SLC26A4: variants seen among roughly 807,000 people sequenced by gnomAD.
SLC26A4 encodes the protein pendrin.
In SLC26A4, 93 loss-of-function variants were observed where a neutral mutation model predicts 90.4. That is an observed-to-expected ratio of 1.03 (90% CI 0.87 to 1.22). The LOEUF is 1.22. SLC26A4 is among the 50% of genes most tolerant of loss of function. The pLI is 0.00. For missense variants in SLC26A4, 1,127 were observed against 946.2 expected (o/e 1.19, Z -2.51); for synonymous variants, 393 against 354.6 (o/e 1.11, Z -1.22).
intron 6 of SLC26A4, among the ~76,000 whole-genome samples, chr7:107,678,207 C>G (rs1791077774): frequency 6.6e-6 from 1 of 152,136 alleles, no homozygotes; most frequent in South Asian, 2.1e-4. Flanking sequence ...CTCATTTATT[C>G]CTTCATTCTC....
chr7:107,695,374 T>C (rs971964919), intron 12 of SLC26A4, among the ~76,000 whole-genome samples: 2 of 152,164 alleles, frequency 1.3e-5, no homozygotes, highest in Non-Finnish European at 2.9e-5. Context: ...TTTTTAATGA[T>C]AATTCCCTTA....
chr7:107,676,383 T>C (rs1321162309), intron 6 of SLC26A4, among the ~76,000 whole-genome samples: 1 of 152,190 alleles, frequency 6.6e-6, no homozygotes, highest in Non-Finnish European at 1.5e-5. Flanking sequence ...TTTCTAACCA[T>C]AAGAGTCCGT....
In SLC26A4 at chr7:107,690,220, A is replaced by G. The variant is rs28939086; in HGVS notation, c.1246A>G (p.Thr416Ala). The change falls in exon 10 of 21, where the codon ACT (threonine) becomes GCT (alanine). Residue 416 changes from threonine (T) to alanine (A), a missense_variant. Coordinates refer to ENST00000644269, the MANE Select transcript of SLC26A4 (RefSeq NM_000441.2). Reference sequence around the variant, plus strand: ...TTCCCGCACGGCCGTCCAGGAGAGCACTGGAGGAAAGACACAGGTAGGAAC... The same window carrying G: ...TTCCCGCACGGCCGTCCAGGAGAGCGCTGGAGGAAAGACACAGGTAGGAAC... ...ALSRTAVQES[T>A]GGKTQVAGII... 1 of 1,602,934 alleles carries G rather than the reference A, an allele frequency of 6.2e-7. No homozygotes were observed. Among genetic ancestry groups the G allele is most frequent in the Non-Finnish European group, 8.5e-7 (1 of 1,169,880 alleles).
chr7:107,702,462 C>G (rs560750829), intron 17 of SLC26A4, among the ~76,000 whole-genome samples: 4 of 152,088 alleles, frequency 2.6e-5, no homozygotes, highest in South Asian at 4.2e-4. Flanking sequence ...GAGGCTGAGG[C>G]AGGTGGATCA....
At chr7:107,680,666 G>A (rs16872356) in intron 6 of SLC26A4, among the ~76,000 whole-genome samples, 7,527 of 151,816 alleles carry the variant, frequency 0.05, 320 homozygotes, top group African/African-American at 0.11. Flanking sequence ...ATGCAATTCT[G>A]TAATATAAAC....
chr7:107,673,887 C>A (rs560577526), intron 4 of SLC26A4, among the ~76,000 whole-genome samples: 2 of 152,106 alleles, frequency 1.3e-5, no homozygotes, highest in South Asian at 2.1e-4. Context: ...CACCACCACA[C>A]CCAGCTAATT....
rs1485428360 is a variant in SLC26A4, at chr7:107,679,876, T to TATTATATA, written c.766-3324_766-3323insTATATAAT. ...ATTATTATATTATATAATCTTATAT[T>TATTATATA]ATATAATCTTATCTTATATAATCTT... On this transcript the variant is annotated intron_variant, in intron 6 of 20. Transcript: ENST00000644269. Among the ~76,000 whole-genome samples, 26 of 128,854 alleles carry TATTATATA rather than the reference T, an allele frequency of 2.0e-4. 2 individuals carry two copies. The highest frequency in any genetic ancestry group is 8.0e-4 in the African/African-American group (25 of 31,400). 84.5% of individuals were successfully genotyped at this position (128,854 alleles called of 152,430 possible).
In SLC26A4 at chr7:107,674,322, C is replaced by T. The variant is rs375838548; in HGVS notation, c.574C>T (p.Leu192=). ...AGCTAGAGTCCTGATTGCCAGTGCC[C>T]TGACTCTGCTGGTTGGAATTATACA... ...DTARVLIASA[L]TLLVGIIQLI... The change falls in exon 5 of 21, where the codon CTG becomes TTG. Residue 192 remains leucine (L), a synonymous_variant. Transcript: ENST00000644269. 8.1e-6 allele frequency: 13 copies of T among 1,613,362 alleles called. No homozygotes were observed. In the African/African-American group the frequency reaches 1.7e-4, roughly 22 times the overall value.
chr7:107,693,474 T>C (rs1002829904), intron 10 of SLC26A4: 1 of 985,464 alleles, frequency 1.0e-6, no homozygotes. Context: ...GTACTTGTGC[T>C]CAACAAAATC....
At chr7:107,678,943 T>G (rs1454394597) in intron 6 of SLC26A4, among the ~76,000 whole-genome samples, 1 of 152,200 alleles carries the variant, frequency 6.6e-6, no homozygotes, top group African/African-American at 2.4e-5. Context: ...TTAACTTATC[T>G]TTGTTCTAAG....
chr7:107,708,290 T>A (rs1280349029), intron 18 of SLC26A4, among the ~76,000 whole-genome samples: 2 of 152,356 alleles, frequency 1.3e-5, no homozygotes, highest in East Asian at 3.9e-4. Flanking sequence ...TTTGGTCCTA[T>A]ACTTCCTTTT....
chr7:107,672,943 A>C (rs1490022171), intron 4 of SLC26A4, among the ~76,000 whole-genome samples: 1 of 152,234 alleles, frequency 6.6e-6, no homozygotes, highest in African/African-American at 2.4e-5. Context: ...TGCTGGCTAG[A>C]CATGTCTACC....
chr7:107,662,036 C>G, intron 2 of SLC26A4: 1 of 583,312 alleles, frequency 1.7e-6, no homozygotes, highest in Non-Finnish European at 3.0e-6. Context: ...GGGAAACTCG[C>G]CTTTGGGGAG....
Position 107,674,927 on chromosome 7 carries a change from T to A in SLC26A4, c.601-18T>A. On this transcript the variant is annotated intron_variant, in intron 5 of 20. Coordinates refer to ENST00000644269, the MANE Select transcript of SLC26A4 (RefSeq NM_000441.2). ...CTCAGGCAAACATTTAATTTTTCTTTCCTTTTCCTTATCGTAGTTGATATT... is the reference window on the plus strand; with the variant it reads ...CTCAGGCAAACATTTAATTTTTCTTACCTTTTCCTTATCGTAGTTGATATT... 6.2e-7 allele frequency: 1 copy of A among 1,613,038 alleles called. No individual in the cohort carries two copies. Among genetic ancestry groups the A allele is most frequent in the Non-Finnish European group, 8.5e-7 (1 of 1,179,020 alleles).
In SLC26A4 at chr7:107,691,846, G is replaced by A. The variant is rs1012305496; in HGVS notation, c.1263+1609G>A. The stretch of plus-strand genomic sequence containing the variant: ...AATACAGCTCATATCCGGAGGCATA[G>A]CCAGAGATCTGTGGTCAAGGGGAAG... On this transcript the variant is annotated intron_variant, in intron 10 of 20. Coordinates refer to ENST00000644269, the MANE Select transcript of SLC26A4 (RefSeq NM_000441.2). The A allele has an allele frequency of 1.1e-4, 128 of 1,164,290 alleles. 1 individual carries two copies. The highest frequency in any genetic ancestry group is 7.8e-4 in the Middle Eastern group (2 of 2,556). 72.1% of individuals were successfully genotyped at this position (1,164,290 alleles called of 1,614,324 possible). A position where few individuals can be genotyped will look rare whatever the true frequency, so the allele number is the denominator to read the frequency against.
At position 107,661,178 on chromosome 7, in the gene SLC26A4, G is replaced by C. The variant is rs190206441; in HGVS notation, c.-4+323G>C. 5.4e-5 allele frequency: 11 copies of C among 205,382 alleles called. No individual in the cohort carries two copies. The highest frequency in any genetic ancestry group is 1.1e-4 in the Admixed American group (2 of 17,620). The allele number at this position is 205,382 out of a possible 1,614,324, so 12.7% of individuals were successfully genotyped here. On this transcript the variant is annotated intron_variant, in intron 1 of 20. Transcript: ENST00000644269. The surrounding 1 kb of genome is among the most constrained non-coding windows in gnomAD (Gnocchi z 5.1). ...CCCGGGGGTCTGCACCTCTCCTCCA[G>C]TGCGCACCTGGAGCTGCGTCCCGGG...
At chr7:107,693,517 T>C in intron 10 of SLC26A4, 1 of 985,480 alleles carries the variant, frequency 1.0e-6, no homozygotes, top group Non-Finnish European at 1.2e-6. Flanking sequence ...TTGCTTTGCT[T>C]GTAGTTCCCT....
intron 20 of SLC26A4, among the ~76,000 whole-genome samples, chr7:107,713,032 A>G (rs1792235797): frequency 1.3e-5 from 2 of 152,212 alleles, no homozygotes; most frequent in African/African-American, 2.4e-5. Flanking sequence ...TATGACTGAT[A>G]AAGGCTTTAA....
At chr7:107,710,948 T>C (rs1792168889) in intron 19 of SLC26A4, among the ~76,000 whole-genome samples, 1 of 152,220 alleles carries the variant, frequency 6.6e-6, no homozygotes, top group African/African-American at 2.4e-5. Context: ...ACATCGTGGA[T>C]ATTTTAAATT....
Sources: gnomAD v4.1 joint callset for allele counts (sites outside exome capture counted in the v4.1 genomes callset) on GRCh38, gnomAD v4.1.1 for gene constraint, Gnocchi (gnomAD v3.1) non-coding constraint, MANE v1.5 for transcripts, NCBI Gene and HGNC (gene_info 2026-07-23, HGNC 2026-07-21) for gene names.